COL28A1: variants seen among roughly 807,000 people sequenced by gnomAD.
COL28A1 encodes collagen alpha-1(XXVIII) chain.
COL28A1 carries 161 observed loss-of-function variants against 150.2 expected under a neutral mutation model. The observed-to-expected ratio is 1.07, with a 90% confidence interval of 0.94 to 1.22. The LOEUF (loss-of-function observed/expected upper bound fraction) is 1.22, where lower values mean the gene tolerates loss of function less well. Among genes scored for constraint, COL28A1 ranks in the 50% most tolerant of loss-of-function variants. The probability of loss-of-function intolerance (pLI) is 0.00; values close to 1 mark genes in which losing one functional copy is unlikely to be tolerated. For missense variants in COL28A1, 1,617 were observed against 1,388.3 expected, an observed-to-expected ratio of 1.16 and a Z score of -2.62; for synonymous variants, 552 against 469.7, an observed-to-expected ratio of 1.18 and a Z score of -2.26.
At chr7:7,375,408 A>G (rs181863868) in intron 31 of COL28A1, 53 bp downstream of exon 31, 6 of 1,522,494 alleles carry the variant, frequency 3.9e-6, no homozygotes, top group African/African-American at 2.7e-5. Flanking sequence ...CCAGCACAGT[A>G]CATAGTGGGG....
intron 3 of COL28A1, among the ~76,000 whole-genome samples, chr7:7,524,463 T>G (rs988429489): frequency 4.6e-5 from 7 of 152,302 alleles, no homozygotes; most frequent in Admixed American, 4.6e-4. Context: ...CCATTAAAAA[T>G]TAACCTATAT....
chr7:7,443,986 G>GTTTTTTTT (rs71010980), intron 19 of COL28A1, among the ~76,000 whole-genome samples: 1 of 95,544 alleles, frequency 1.0e-5, no homozygotes, highest in African/African-American at 4.0e-5. Flanking sequence ...TCCATCTGCT[G>GTTTTTTTT]TTTTTTTTTT....
At chr7:7,475,153 G>T (rs1158768124) in intron 14 of COL28A1, among the ~76,000 whole-genome samples, 1 of 151,978 alleles carries the variant, frequency 6.6e-6, no homozygotes, top group East Asian at 1.9e-4. Context: ...ATGTTTAAAA[G>T]AATTCATGGA....
Position 7,403,095 on chromosome 7 carries a change from G to A in COL28A1, c.2136+14764C>T, listed in dbSNP as rs1271223533. On this transcript the variant is annotated intron_variant, in intron 27 of 34. Transcript: ENST00000399429. ...CTAGTCAGTGTACCATGGGAGCACAGGCTTCAAGAGACAGGGAAGGCTTCT... is the reference window on the plus strand; with the variant it reads ...CTAGTCAGTGTACCATGGGAGCACAAGCTTCAAGAGACAGGGAAGGCTTCT... Among the ~76,000 whole-genome samples the A allele has an allele frequency of 2.0e-5, 3 of 152,164 alleles. No homozygotes were observed. In the South Asian group the frequency reaches 6.2e-4, roughly 31 times the overall value.
intron 27 of COL28A1, among the ~76,000 whole-genome samples, chr7:7,383,288 G>T (rs77710344): frequency 0.083 from 7,813 of 94,532 alleles, 256 homozygotes; most frequent in Middle Eastern, 0.19. Flanking sequence ...GTGTGTGTGT[G>T]TTTTTTTTGA....
chr7:7,368,837 T>G (rs1054126152), intron 33 of COL28A1, among the ~76,000 whole-genome samples: 1 of 152,218 alleles, frequency 6.6e-6, no homozygotes, highest in Non-Finnish European at 1.5e-5. Context: ...CCCAACAGAC[T>G]AAGACACTTT....
At chr7:7,479,735 A>G (rs1188617256) in intron 13 of COL28A1, among the ~76,000 whole-genome samples, 1 of 152,252 alleles carries the variant, frequency 6.6e-6, no homozygotes. Flanking sequence ...AGGAAAGATG[A>G]CTTCTCACAT....
the COL28A1 span, among the ~76,000 whole-genome samples, chr7:7,348,065 A>G: frequency 1.3e-5 from 2 of 152,108 alleles, no homozygotes; most frequent in African/African-American, 4.8e-5. Flanking sequence ...ATAGAGGAGG[A>G]AATAGATTTG....
At chr7:7,422,958 A>T (rs56800640) in intron 25 of COL28A1, among the ~76,000 whole-genome samples, 3,174 of 152,340 alleles carry the variant, frequency 0.021, 107 homozygotes, top group African/African-American at 0.071. Context: ...GAGAGATTTA[A>T]GAGCTATTTC....
intron 27 of COL28A1, among the ~76,000 whole-genome samples, chr7:7,389,038 G>C (rs1323681156): frequency 6.6e-6 from 1 of 152,058 alleles, no homozygotes; most frequent in Admixed American, 6.5e-5. Context: ...GGTCGCCATT[G>C]CTTTTGGTAT....
the COL28A1 span, among the ~76,000 whole-genome samples, chr7:7,349,182 A>G: frequency 6.6e-6 from 1 of 152,262 alleles, no homozygotes; most frequent in Admixed American, 6.5e-5. Context: ...TTCCAAATAT[A>G]TTGTTTATAA....
intron 4 of COL28A1, among the ~76,000 whole-genome samples, 167 bp downstream of exon 4, chr7:7,524,062 G>A (rs1380378825): frequency 6.6e-6 from 1 of 152,126 alleles, no homozygotes; most frequent in Non-Finnish European, 1.5e-5. Context: ...ATTGAATATG[G>A]TAGTATAAAA....
chr7:7,458,536 C>A (rs1282839821), intron 15 of COL28A1, among the ~76,000 whole-genome samples: 1 of 152,066 alleles, frequency 6.6e-6, no homozygotes, highest in Non-Finnish European at 1.5e-5. Context: ...CTAGGAGATG[C>A]CCTGGAATAC....
intron 27 of COL28A1, among the ~76,000 whole-genome samples, chr7:7,403,839 T>C (rs1783352937): frequency 6.6e-6 from 1 of 152,222 alleles, no homozygotes; most frequent in South Asian, 2.1e-4. Flanking sequence ...ATTAGATTTA[T>C]ATACCTGGCA....
chr7:7,494,375 A>G (rs1027645423), intron 11 of COL28A1, among the ~76,000 whole-genome samples: 1 of 152,140 alleles, frequency 6.6e-6, no homozygotes, highest in African/African-American at 2.4e-5. Context: ...ATGGAGTCAC[A>G]GGGAAAAAAC....
At chr7:7,523,557 T>C (rs565231058) in intron 4 of COL28A1, among the ~76,000 whole-genome samples, 23 of 152,184 alleles carry the variant, frequency 1.5e-4, no homozygotes, top group African/African-American at 5.3e-4. Flanking sequence ...TTGACTCCTA[T>C]TATTTTATGC....
intron 15 of COL28A1, among the ~76,000 whole-genome samples, chr7:7,472,070 G>T (rs185702485): frequency 6.6e-6 from 1 of 152,256 alleles, no homozygotes; most frequent in Admixed American, 6.5e-5. Flanking sequence ...ACATAATACT[G>T]AATGGAGAAA....
chr7:7,526,213 G>T (rs1438943492), intron 3 of COL28A1, among the ~76,000 whole-genome samples: 4 of 152,144 alleles, frequency 2.6e-5, no homozygotes, highest in African/African-American at 9.7e-5. Flanking sequence ...ACATACCACA[G>T]GGAAATTCTT....
At chr7:7,395,581 T>C (rs947616444) in intron 27 of COL28A1, among the ~76,000 whole-genome samples, 3 of 152,174 alleles carry the variant, frequency 2.0e-5, no homozygotes, top group Non-Finnish European at 4.4e-5. Flanking sequence ...GGTTACACAT[T>C]ACAAACAAAT....
Sources: allele counts gnomAD v4.1 joint callset (sites outside exome capture counted in the v4.1 genomes callset), GRCh38; gene constraint gnomAD v4.1.1; transcripts MANE v1.5; gene names NCBI Gene and HGNC (gene_info 2026-07-23, HGNC 2026-07-21).